Variants in ATXN10 observed in about 807,000 individuals in gnomAD.
ATXN10 encodes ataxin-10.
Under a neutral mutation model 52.9 loss-of-function variants are expected in ATXN10, and 28 were observed. The ratio of observed to expected loss-of-function variants is 0.53; its 90% CI spans 0.39 to 0.73. ATXN10 has a LOEUF of 0.73. ATXN10 is among the 30% of genes least tolerant of loss of function. The probability of loss-of-function intolerance (pLI) is 0.00; values close to 1 mark genes in which losing one functional copy is unlikely to be tolerated. For missense variants in ATXN10, 565 were observed against 577.0 expected (o/e 0.98, Z 0.21); for synonymous variants, 226 against 221.5 (o/e 1.02, Z -0.18).
chr22:45,785,675 C>T (rs1359358671), intron 9 of ATXN10, among the ~76,000 whole-genome samples: 3 of 152,190 alleles, frequency 2.0e-5, no homozygotes, highest in African/African-American at 4.8e-5. Flanking sequence ...CAGGTGGCAG[C>T]GCCAGGCTTA....
At position 45,843,246 on chromosome 22, in the gene ATXN10, T is replaced by G. The variant is rs8137768; in HGVS notation, c.1425+68T>G. The G allele has an allele frequency of 2.3e-3, 3,562 of 1,519,086 alleles. 84 individuals are homozygous for G. In the African/African-American group the frequency reaches 0.044, roughly 19 times the overall value. 94.1% of individuals were successfully genotyped at this position (1,519,086 alleles called of 1,614,324 possible). A position where few individuals can be genotyped will look rare whatever the true frequency, so the allele number is the denominator to read the frequency against. On this transcript the variant is annotated intron_variant, in intron 11 of 11. Coordinates refer to ENST00000252934, the MANE Select transcript of ATXN10 (RefSeq NM_013236.4). The surrounding 1 kb of genome is among the most constrained non-coding windows in gnomAD (Gnocchi z 4.5). ...AAAGCTGTTTCCACTTCCCCATTGC[T>G]TCAAGCACGAGGCTCTTTGTAAGAA...
At chr22:45,711,412 T>C (rs1056264021) in intron 5 of ATXN10, among the ~76,000 whole-genome samples, 1 of 151,718 alleles carries the variant, frequency 6.6e-6, no homozygotes, top group African/African-American at 2.4e-5. Flanking sequence ...GCAAAAGGGG[T>C]GCCGAACCGT....
chr22:45,675,428 G>A (rs1922644746), intron 1 of ATXN10: 1 of 152,232 alleles, frequency 6.6e-6, no homozygotes, highest in Non-Finnish European at 1.5e-5. Flanking sequence ...AGTAGAATAT[G>A]GTAGAAGTGA....
chr22:45,814,801 G>A (rs1022713120), intron 10 of ATXN10, among the ~76,000 whole-genome samples: 6 of 152,164 alleles, frequency 3.9e-5, no homozygotes, highest in African/African-American at 9.7e-5. Flanking sequence ...TCCGTCTCCC[G>A]TCAGATCAGT....
At chr22:45,703,789 T>A (rs1442194868) in intron 5 of ATXN10, among the ~76,000 whole-genome samples, 1 of 152,156 alleles carries the variant, frequency 6.6e-6, no homozygotes, top group Non-Finnish European at 1.5e-5. Context: ...TAAAGAGGCA[T>A]TATATGCTAA....
At chr22:45,792,583 C>G (rs1298720820) in intron 9 of ATXN10, 1 of 181,136 alleles carries the variant, frequency 5.5e-6, no homozygotes, top group Non-Finnish European at 1.2e-5. Context: ...AGCTGCCTTT[C>G]CTTTAGGGGA....
chr22:45,782,166 A>C (rs758635594), intron 9 of ATXN10, among the ~76,000 whole-genome samples: 1 of 152,254 alleles, frequency 6.6e-6, no homozygotes, highest in Non-Finnish European at 1.5e-5. Flanking sequence ...CTGTTAAAAC[A>C]AGAAAGGATC....
At chr22:45,697,560 A>G (rs1256676352) in intron 3 of ATXN10, among the ~76,000 whole-genome samples, 2 of 152,216 alleles carry the variant, frequency 1.3e-5, no homozygotes, top group Non-Finnish European at 2.9e-5. Context: ...GATACTTCAT[A>G]TAAATGGAAT....
rs1238462569 is a variant in ATXN10, at chr22:45,728,333, T to C, written c.729-1092T>C. On this transcript the variant is annotated intron_variant, in intron 6 of 11. Transcript: ENST00000252934. This position sits in a 1 kb window ranked among gnomAD's most constrained non-coding sequence, Gnocchi z 4.3. The stretch of plus-strand genomic sequence containing the variant: ...TTCTCTAATACTGTGCTCAACTGAG[T>C]GGACCGTGTATTAGTTTTATTTTGG... Among the ~76,000 whole-genome samples, 1 of 152,126 alleles carries C rather than the reference T, an allele frequency of 6.6e-6. No homozygotes were observed. Among genetic ancestry groups the C allele is most frequent in the Non-Finnish European group, 1.5e-5 (1 of 68,018 alleles).
chr22:45,729,528 A>G lies in ATXN10; in HGVS notation c.832A>G (p.Thr278Ala). 1 of 1,614,126 alleles carries G rather than the reference A, an allele frequency of 6.2e-7. No homozygotes were observed. The highest frequency in any genetic ancestry group is 8.5e-7 in the Non-Finnish European group (1 of 1,180,026). The change falls in exon 7 of 12, where the codon ACC becomes GCC. Residue 278 changes from threonine to alanine, a missense_variant. Thr to Ala is a moderately conservative substitution (Grantham distance 58). Coordinates refer to ENST00000252934, the MANE Select transcript of ATXN10 (RefSeq NM_013236.4). ...FLRHAELIAS[T>A]FVDQCKTVLK... ...GCGGCATGCTGAGTTGATTGCAAGC[A>G]CCTTTGTGGATCAGTGCAAGACTGT...
intron 10 of ATXN10, among the ~76,000 whole-genome samples, chr22:45,808,079 C>G (rs1203686829): frequency 6.6e-6 from 1 of 152,170 alleles, no homozygotes; most frequent in African/African-American, 2.4e-5. Context: ...CTTGTAAGTT[C>G]AGTCAGGAAA....
chr22:45,752,271 G>A (rs117183008), intron 9 of ATXN10, among the ~76,000 whole-genome samples: 1,621 of 152,190 alleles, frequency 0.011, 25 homozygotes, highest in Non-Finnish European at 0.018. Context: ...TTCTCTCGAG[G>A]AATTCACAGT....
chr22:45,734,742 T>G (rs912861267), intron 7 of ATXN10, among the ~76,000 whole-genome samples: 17 of 151,802 alleles, frequency 1.1e-4, no homozygotes, highest in Admixed American at 3.9e-4. Flanking sequence ...CTTTTGACTA[T>G]CCAAGATTAT....
At position 45,684,333 on chromosome 22, in the gene ATXN10, AG is replaced by A. The variant is rs768416257; in HGVS notation, c.117-5377del. Among the ~76,000 whole-genome samples the A allele has an allele frequency of 2.0e-5, 3 of 152,068 alleles. No individual in the cohort carries two copies. The highest frequency in any genetic ancestry group is 4.4e-5 in the Non-Finnish European group (3 of 67,996). ...CAATGTGATGAGGACAGTGGGAAAG[AG>A]GAAGTGTGTGGTTTTTGGGGAGTGG... On this transcript the variant is annotated intron_variant, in intron 1 of 11. Coordinates refer to ENST00000252934, the MANE Select transcript of ATXN10 (RefSeq NM_013236.4). This position sits in a 1 kb window ranked among gnomAD's most constrained non-coding sequence, Gnocchi z 4.1.
rs1928717372 is a variant in ATXN10, at chr22:45,823,411, T to G, written c.1237+16389T>G. On this transcript the variant is annotated intron_variant, in intron 10 of 11. Coordinates refer to ENST00000252934, the MANE Select transcript of ATXN10 (RefSeq NM_013236.4). This position sits in a 1 kb window ranked among gnomAD's most constrained non-coding sequence, Gnocchi z 4.9. ...CTATCAGAATTGTAATTATTTATGATGTACAGTAGGGATTCTGTCTTTTTT... is the reference window on the plus strand; with the variant it reads ...CTATCAGAATTGTAATTATTTATGAGGTACAGTAGGGATTCTGTCTTTTTT... The G allele has an allele frequency of 3.4e-6, 1 of 296,914 alleles. No homozygotes were observed. Among genetic ancestry groups the G allele is most frequent in the Admixed American group, 4.7e-5 (1 of 21,426 alleles). The allele number at this position is 296,914 out of a possible 1,614,324, so 18.4% of individuals were successfully genotyped here.
intron 9 of ATXN10, among the ~76,000 whole-genome samples, chr22:45,765,853 C>T (rs1467497848): frequency 6.6e-6 from 1 of 151,984 alleles, no homozygotes; most frequent in African/African-American, 2.4e-5. Flanking sequence ...CCAGTAATAC[C>T]CTCAGGTTTT....
chr22:45,813,677 CTAAG>C (rs1378272892), intron 10 of ATXN10, among the ~76,000 whole-genome samples: 1 of 152,106 alleles, frequency 6.6e-6, no homozygotes, highest in African/African-American at 2.4e-5. Context: ...CTCTATCTCT[CTAAG>C]TTTTAGCTTT....
rs1413617218 is a variant in ATXN10, at chr22:45,684,347, T to G, written c.117-5365T>G. On this transcript the variant is annotated intron_variant, in intron 1 of 11. Coordinates refer to ENST00000252934, the MANE Select transcript of ATXN10 (RefSeq NM_013236.4). The surrounding 1 kb of genome is among the most constrained non-coding windows in gnomAD (Gnocchi z 4.1). ...CAGTGGGAAAGAGGAAGTGTGTGGT[T>G]TTTGGGGAGTGGGGAGAGGACTGGT... 6.6e-6 allele frequency among the ~76,000 whole-genome samples: 1 copy of G among 152,026 alleles called. No individual in the cohort carries two copies. Among genetic ancestry groups the G allele is most frequent in the African/African-American group, 2.4e-5 (1 of 41,392 alleles).
Position 45,715,114 on chromosome 22 carries a change from T to G in ATXN10, c.648-3299T>G, listed in dbSNP as rs934336818. 3.9e-5 allele frequency among the ~76,000 whole-genome samples: 6 copies of G among 152,206 alleles called. No individual in the cohort carries two copies. The highest frequency in any genetic ancestry group is 1.4e-4 in the African/African-American group (6 of 41,456). On this transcript the variant is annotated intron_variant, in intron 5 of 11. Transcript: ENST00000252934. The surrounding 1 kb of genome is among the most constrained non-coding windows in gnomAD (Gnocchi z 4.4). ...GTCTCAGTTCTACTATTTTAAGTCC[T>G]TGAGGATTTTATGAACATATTGATC...
Sources: allele counts gnomAD v4.1 joint callset (sites outside exome capture counted in the v4.1 genomes callset), GRCh38; gene constraint gnomAD v4.1.1; non-coding constraint Gnocchi (gnomAD v3.1); transcripts MANE v1.5; gene names NCBI Gene and HGNC (gene_info 2026-07-23, HGNC 2026-07-21).